LRRC4C: variants seen among roughly 807,000 people sequenced by gnomAD.
The protein encoded by LRRC4C is leucine-rich repeat-containing protein 4C.
In LRRC4C, 5 loss-of-function variants were observed where a neutral mutation model predicts 33.6. The ratio of observed to expected loss-of-function variants is 0.15; its 90% CI spans 0.08 to 0.31. The LOEUF is 0.31. Ranked by LOEUF, LRRC4C falls within the 10% of genes least tolerant of loss-of-function variation. The probability of loss-of-function intolerance (pLI) is 1.00; values close to 1 mark genes in which losing one functional copy is unlikely to be tolerated. For synonymous variants in LRRC4C, 329 were observed against 302.0 expected (o/e 1.09, Z -0.93); for missense variants, 560 against 796.7 (o/e 0.70, Z 3.58).
chr11:40,955,946 T>C (rs77187569), intron 1 of LRRC4C, among the ~76,000 whole-genome samples: 1 of 151,842 alleles, frequency 6.6e-6, no homozygotes, highest in East Asian at 1.9e-4. Context: ...TTGTTCTCAT[T>C]CACATTCTCC....
At chr11:40,698,933 A>G (rs1399013414) in intron 2 of LRRC4C, among the ~76,000 whole-genome samples, 5 of 152,158 alleles carry the variant, frequency 3.3e-5, no homozygotes, top group South Asian at 4.1e-4. Context: ...GGACCCTCCC[A>G]GAACACATGG....
intron 2 of LRRC4C, among the ~76,000 whole-genome samples, chr11:40,794,865 T>C (rs1316294217): frequency 6.6e-6 from 1 of 152,180 alleles, no homozygotes; most frequent in Non-Finnish European, 1.5e-5. Flanking sequence ...CAGATAAAGT[T>C]TGATATCTGG....
intron 1 of LRRC4C, among the ~76,000 whole-genome samples, chr11:41,240,036 G>T (rs1948187954): frequency 1.3e-5 from 2 of 152,132 alleles, no homozygotes; most frequent in Non-Finnish European, 2.9e-5. Flanking sequence ...ACTCTTTTAA[G>T]TTAATAAAAG....
At chr11:41,406,702 TTCA>T (rs1954249087) in intron 1 of LRRC4C, among the ~76,000 whole-genome samples, 1 of 97,698 alleles carries the variant, frequency 1.0e-5, no homozygotes. Flanking sequence ...CCCCTACACA[TTCA>T]CCACACACAC....
chr11:40,922,966 A>C (rs1245179374), intron 2 of LRRC4C, among the ~76,000 whole-genome samples: 3 of 152,154 alleles, frequency 2.0e-5, no homozygotes, highest in African/African-American at 7.2e-5. Flanking sequence ...CTGGGACTGC[A>C]GGCATACGCC....
chr11:41,040,137 CAAAAAAAAAAAA>C (rs5791415), intron 1 of LRRC4C, among the ~76,000 whole-genome samples: 1 of 96,358 alleles, frequency 1.0e-5, no homozygotes, highest in South Asian at 3.8e-4. Context: ...GACTCTGTCT[CAAAAAAAAAAAA>C]AAAAAAAAGT....
chr11:41,272,430 C>G (rs1243825559), intron 1 of LRRC4C, among the ~76,000 whole-genome samples: 1 of 152,118 alleles, frequency 6.6e-6, no homozygotes, highest in Non-Finnish European at 1.5e-5. Flanking sequence ...AAACACGCCT[C>G]TGATCCCCAT....
At position 40,952,823 on chromosome 11, in the gene LRRC4C, C is replaced by T. The variant is rs116054966; in HGVS notation, c.-495-19100G>A. Reference sequence around the variant, plus strand: ...GCTTCACTGAATAACTCTCCTGTCCCTCACACACACCTCTGTCTATTTCCA... The same window carrying T: ...GCTTCACTGAATAACTCTCCTGTCCTTCACACACACCTCTGTCTATTTCCA... On this transcript the variant is annotated intron_variant, in intron 1 of 6. Transcript: ENST00000528697. Among the ~76,000 whole-genome samples, 1,065 of 150,980 alleles carry T rather than the reference C, an allele frequency of 7.1e-3. 8 individuals carry two copies. Among genetic ancestry groups the T allele is most frequent in the African/African-American group, 0.024 (997 of 41,140 alleles).
In LRRC4C at chr11:40,974,930, C is replaced by T. The variant is rs984494289; in HGVS notation, c.-495-41207G>A. Among the ~76,000 whole-genome samples the T allele has an allele frequency of 2.6e-5, 4 of 152,144 alleles. No homozygotes were observed. In the East Asian group the frequency reaches 7.7e-4, roughly 29 times the overall value. On this transcript the variant is annotated intron_variant, in intron 1 of 6. Transcript: ENST00000528697. ...CCAGCAGCCTCCTGGGTTATCAAGCCTTTTCCCTCAGACTGAGAATTACAA... is the reference window on the plus strand; with the variant it reads ...CCAGCAGCCTCCTGGGTTATCAAGCTTTTTCCCTCAGACTGAGAATTACAA...
intron 3 of LRRC4C, among the ~76,000 whole-genome samples, chr11:40,490,895 A>C (rs562706234): frequency 6.6e-6 from 1 of 152,246 alleles, no homozygotes; most frequent in South Asian, 2.1e-4. Flanking sequence ...TTTCTGACAT[A>C]TGGATTACTC....
Position 41,438,098 on chromosome 11 carries a change from A to G in LRRC4C, c.-496+21333T>C, listed in dbSNP as rs544240540. Among the ~76,000 whole-genome samples, 19 of 151,724 alleles carry G rather than the reference A, an allele frequency of 1.3e-4. No homozygotes were observed. In the East Asian group the frequency reaches 3.7e-3, roughly 29 times the overall value. On this transcript the variant is annotated intron_variant, in intron 1 of 6. Coordinates refer to ENST00000528697, the MANE Select transcript of LRRC4C (RefSeq NM_001258419.2). ...TAAAAAAAAATAATTACAATATGGT[A>G]CCTGTCTGTCTTGGAGGAGTTTACA... is the stretch of plus-strand genomic sequence containing the variant.
chr11:40,883,821 G>T (rs1312302427), intron 2 of LRRC4C, among the ~76,000 whole-genome samples: 1 of 151,162 alleles, frequency 6.6e-6, no homozygotes, highest in East Asian at 1.9e-4. Context: ...TATTCAAAAT[G>T]ACGGATTTAA....
chr11:40,301,350 C>T (rs1565249929), intron 4 of LRRC4C, among the ~76,000 whole-genome samples: 1 of 152,130 alleles, frequency 6.6e-6, no homozygotes, highest in Non-Finnish European at 1.5e-5. Context: ...TGCATAGATA[C>T]TATGTGGTAG....
At chr11:40,149,299 T>C (rs1466763392) in intron 5 of LRRC4C, among the ~76,000 whole-genome samples, 1 of 152,218 alleles carries the variant, frequency 6.6e-6, no homozygotes, top group Non-Finnish European at 1.5e-5. Flanking sequence ...TTAACAATAA[T>C]GATTCTTCCT....
chr11:41,011,706 A>G (rs1029719686), intron 1 of LRRC4C, among the ~76,000 whole-genome samples: 4 of 151,642 alleles, frequency 2.6e-5, no homozygotes, highest in African/African-American at 9.7e-5. Flanking sequence ...TGGAGTCACT[A>G]AGCCCGGGTT....
At chr11:40,545,410 C>A (rs1411406844) in intron 3 of LRRC4C, among the ~76,000 whole-genome samples, 1 of 151,708 alleles carries the variant, frequency 6.6e-6, no homozygotes, top group Non-Finnish European at 1.5e-5. Context: ...TGGTTTTTTA[C>A]AGAATATGTA....
At chr11:40,409,507 G>A (rs1161788830) in intron 3 of LRRC4C, among the ~76,000 whole-genome samples, 1 of 151,858 alleles carries the variant, frequency 6.6e-6, no homozygotes, top group African/African-American at 2.4e-5. Context: ...AGAGGTTAAT[G>A]TCCAAAGAAT....
intron 1 of LRRC4C, among the ~76,000 whole-genome samples, chr11:41,004,471 T>C (rs115467182): frequency 1.5e-3 from 231 of 152,338 alleles, no homozygotes; most frequent in African/African-American, 5.4e-3. Flanking sequence ...CAAAAATGCA[T>C]GATTCCTAAA....
chr11:40,915,817 C>T (rs1028843402), intron 2 of LRRC4C, among the ~76,000 whole-genome samples: 5 of 151,914 alleles, frequency 3.3e-5, no homozygotes, highest in African/African-American at 1.2e-4. Flanking sequence ...GGCTAATATC[C>T]AGAATCTACA....
Sources: gnomAD v4.1 joint callset for allele counts (sites outside exome capture counted in the v4.1 genomes callset) on GRCh38, gnomAD v4.1.1 for gene constraint, MANE v1.5 for transcripts, NCBI Gene and HGNC (gene_info 2026-07-23, HGNC 2026-07-21) for gene names.